The following CFAP99 variants were observed in gnomAD, a reference collection of about 807,000 sequenced individuals.
The protein encoded by CFAP99 is cilia- and flagella-associated protein 99.
CFAP99 carries 84 observed loss-of-function variants against 82.7 expected under a neutral mutation model. That is an observed-to-expected ratio of 1.02 (90% CI 0.85 to 1.22). CFAP99 has a LOEUF of 1.22. Ranked by LOEUF, CFAP99 falls within the 50% of genes most tolerant of loss-of-function variation. The probability of loss-of-function intolerance (pLI) is 0.00; values close to 1 mark genes in which losing one functional copy is unlikely to be tolerated. For missense variants in CFAP99, 1,059 were observed against 983.5 expected, an observed-to-expected ratio of 1.08 and a Z score of -1.03; for synonymous variants, 456 against 429.5, an observed-to-expected ratio of 1.06 and a Z score of -0.76.
At chr4:2,433,484 G>A (rs1733842198) in intron 2 of CFAP99, among the ~76,000 whole-genome samples, 1 of 152,030 alleles carries the variant, frequency 6.6e-6, no homozygotes, top group Admixed American at 6.5e-5. Context: ...AGGAAGCTGA[G>A]AGGGAAACTG....
chr4:2,454,581 C>CTTTTTTTTTTTTGGTTTT (rs1734380483), intron 11 of CFAP99, among the ~76,000 whole-genome samples: 1 of 94,718 alleles, frequency 1.1e-5, no homozygotes, highest in Non-Finnish European at 2.1e-5. Flanking sequence ...TGTTTTTTTT[C>CTTTTTTTTTTTTGGTTTT]TTTTTTTTTT....
In CFAP99 at chr4:2,442,099, G is replaced by A. The variant is rs1384136617; in HGVS notation, c.352-1031G>A. The stretch of plus-strand genomic sequence containing the variant: ...CAGTGAGGATGGGGGCCTCAATACA[G>A]GGCTGTGTCCTGGTGGGAGCACCCC... On this transcript the variant is annotated intron_variant, in intron 4 of 14. Transcript: ENST00000635017. Among the ~76,000 whole-genome samples, 3 of 152,194 alleles carry A rather than the reference G, an allele frequency of 2.0e-5. No homozygotes were observed. The East Asian group carries it at 5.8e-4, about 29-fold the overall frequency.
chr4:2,418,969 G>C (rs1560372308), upstream of CFAP99: 1 of 152,282 alleles, frequency 6.6e-6, no homozygotes, highest in Admixed American at 6.5e-5. This position sits in a 1 kb window ranked among gnomAD's most constrained non-coding sequence, Gnocchi z 4.6. Context: ...AACAGCCGCG[G>C]CGTCCTGCCT....
intron 3 of CFAP99, among the ~76,000 whole-genome samples, chr4:2,437,472 G>A (rs1733942239): frequency 6.6e-6 from 1 of 152,200 alleles, no homozygotes. Context: ...TTGCAAGCCA[G>A]GTGGCCAGTG....
intron 11 of CFAP99, among the ~76,000 whole-genome samples, chr4:2,458,068 G>A (rs932917946): frequency 1.3e-5 from 2 of 151,918 alleles, no homozygotes; most frequent in South Asian, 2.1e-4. Context: ...AGGCACCGCC[G>A]CCCTCTTCTG....
Position 2,462,202 on chromosome 4 carries a change from AAAG to A in CFAP99, c.1662-239_1662-237del. The A allele has an allele frequency of 2.6e-6, 1 of 391,214 alleles. No individual in the cohort carries two copies. Among genetic ancestry groups the A allele is most frequent in the East Asian group, 3.9e-5 (1 of 25,548 alleles). The allele number at this position is 391,214 out of a possible 1,614,324, so 24.2% of individuals were successfully genotyped here. ...ACAACAAAAATTAAAGAAAAGAAAA[AAAG>A]AGCAAAAGGGTAGATAGAAGTGCTG... On this transcript the variant is annotated intron_variant, in intron 14 of 14. Transcript: ENST00000635017. This position sits in a 1 kb window ranked among gnomAD's most constrained non-coding sequence, Gnocchi z 4.1.
rs970460799 is a variant in CFAP99 at position 2,452,427 on chromosome 4, C to A, written c.1161+81C>A. 4.2e-6 allele frequency: 6 copies of A among 1,434,482 alleles called. No individual in the cohort carries two copies. The African/African-American group carries it at 5.6e-5, about 13-fold the overall frequency. 88.9% of individuals were successfully genotyped at this position (1,434,482 alleles called of 1,614,324 possible). On this transcript the variant is annotated intron_variant, in intron 11 of 14. Transcript: ENST00000635017. The stretch of plus-strand genomic sequence containing the variant: ...CCGGGAGCTGCAGGGCCAGGGCTGG[C>A]AGTGGAGCTGAGTGTCCACAGCGCC...
intron 11 of CFAP99, among the ~76,000 whole-genome samples, chr4:2,456,277 C>G (rs928737899): frequency 6.6e-6 from 1 of 152,118 alleles, no homozygotes; most frequent in Non-Finnish European, 1.5e-5. Flanking sequence ...ATGTGATCCA[C>G]CTGCCTCGAC....
At chr4:2,455,752 C>G (rs1734412298) in intron 11 of CFAP99, among the ~76,000 whole-genome samples, 1 of 152,188 alleles carries the variant, frequency 6.6e-6, no homozygotes, top group Non-Finnish European at 1.5e-5. Context: ...GTCTTCTCTA[C>G]TGGTCTAAGG....
intron 14 of CFAP99, among the ~76,000 whole-genome samples, 174 bp downstream of exon 14, chr4:2,460,416 A>G (rs941217918): frequency 5.9e-5 from 9 of 152,190 alleles, no homozygotes; most frequent in Non-Finnish European, 2.9e-5. Flanking sequence ...TTCCAGGCAC[A>G]TGGGAATGGT....
chr4:2,457,535 G>A (rs979854657), intron 11 of CFAP99, among the ~76,000 whole-genome samples: 1 of 152,304 alleles, frequency 6.6e-6, no homozygotes, highest in Middle Eastern at 3.4e-3. Context: ...CCTGAGTGAC[G>A]GCAGGCAGGA....
At chr4:2,450,867 C>T in intron 8 of CFAP99, 80 bp from the exon 9 acceptor site, 3 of 1,248,742 alleles carry the variant, frequency 2.4e-6, no homozygotes, top group South Asian at 2.6e-5. Context: ...GGGTGCTGGG[C>T]CAGCATCCAC....
intron 2 of CFAP99, among the ~76,000 whole-genome samples, chr4:2,431,782 G>A (rs575675504): frequency 3.7e-4 from 56 of 151,610 alleles, no homozygotes; most frequent in African/African-American, 1.3e-3. Flanking sequence ...CTAGGTTGCA[G>A]TACAGCTCAT....
chr4:2,422,377 C>T (rs1195422704), intron 1 of CFAP99, among the ~76,000 whole-genome samples: 1 of 152,112 alleles, frequency 6.6e-6, no homozygotes, highest in Non-Finnish European at 1.5e-5. Context: ...CACCCCCGTC[C>T]CCATCTTCAA....
intron 1 of CFAP99, among the ~76,000 whole-genome samples, chr4:2,423,451 T>C (rs1733623321): frequency 6.6e-6 from 1 of 152,232 alleles, no homozygotes; most frequent in Admixed American, 6.5e-5. Context: ...CTCCTGGGCC[T>C]TTCTGCTCAC....
intron 2 of CFAP99, chr4:2,428,169 G>C (rs962365476): frequency 2.6e-5 from 4 of 152,400 alleles, no homozygotes; most frequent in Non-Finnish European, 5.9e-5. Flanking sequence ...GCCTGCCCTC[G>C]CCTTGCACGT....
chr4:2,454,594 G>GGTTTTTTTTTTTTTTGTTTT (rs1560388808), intron 11 of CFAP99, among the ~76,000 whole-genome samples: 1 of 84,538 alleles, frequency 1.2e-5, no homozygotes, highest in African/African-American at 4.2e-5. Flanking sequence ...TTTTTTTTTT[G>GGTTTTTTTTTTTTTTGTTTT]TTTTTTTTTT....
intron 1 of CFAP99, among the ~76,000 whole-genome samples, chr4:2,421,822 G>A (rs1392334190): frequency 1.3e-5 from 2 of 150,744 alleles, no homozygotes; most frequent in African/African-American, 2.5e-5. Context: ...TGGGAGGATC[G>A]CTTCAGGCCA....
intron 4 of CFAP99, among the ~76,000 whole-genome samples, chr4:2,440,565 G>C (rs10005537): frequency 0.27 from 40,389 of 151,544 alleles, 6,957 homozygotes; most frequent in African/African-American, 0.49. Context: ...CAGCCTGGGC[G>C]ACAGAGCAAA....
Sources: allele counts gnomAD v4.1 joint callset (sites outside exome capture counted in the v4.1 genomes callset), GRCh38; gene constraint gnomAD v4.1.1; non-coding constraint Gnocchi (gnomAD v3.1); transcripts MANE v1.5; gene names NCBI Gene and HGNC (gene_info 2026-07-23, HGNC 2026-07-21).